Variants in CD38 observed in about 807,000 individuals in gnomAD.
CD38 encodes the protein CD38 molecule, also known as ADP-ribosyl cyclase/cyclic ADP-ribose hydrolase 1.
CD38 carries 31 observed loss-of-function variants against 36.3 expected under a neutral mutation model. The observed-to-expected ratio is 0.85, with a 90% CI of 0.64 to 1.15. The LOEUF (loss-of-function observed/expected upper bound fraction) is 1.15. Among genes scored for constraint, CD38 ranks in the 50% most tolerant of loss-of-function variants. The pLI, the probability that CD38 is intolerant of heterozygous loss-of-function variation, is 0.00. For missense variants in CD38, 380 were observed against 371.9 expected (o/e 1.02, Z -0.18); for synonymous variants, 131 against 135.2 (o/e 0.97, Z 0.22).
At chr4:15,830,180 A>T (rs1487973942) in intron 3 of CD38, among the ~76,000 whole-genome samples, 1 of 152,132 alleles carries the variant, frequency 6.6e-6, no homozygotes, top group Non-Finnish European at 1.5e-5. Context: ...TGTTCTCCAT[A>T]GTGGTTGTAC....
At chr4:15,797,899 T>C (rs1723134590) in intron 1 of CD38, among the ~76,000 whole-genome samples, 1 of 152,164 alleles carries the variant, frequency 6.6e-6, no homozygotes, top group Non-Finnish European at 1.5e-5. Context: ...CTGTAAAACC[T>C]TATTTCCAAA....
At chr4:15,817,804 A>G (rs1313334661) in intron 2 of CD38, among the ~76,000 whole-genome samples, 4 of 152,172 alleles carry the variant, frequency 2.6e-5, no homozygotes, top group Non-Finnish European at 5.9e-5. Flanking sequence ...GAACAGCTCC[A>G]GTCTGCAGCT....
rs186087961 is a variant in CD38 at position 15,841,162 on chromosome 4, C to G, written c.839+624C>G. Reference sequence around the variant, plus strand: ...TAATTCTAGTTTCAAAACTGAGACCCCTCACTCATTTTTAAGCAGTTGTGA... The same window carrying G: ...TAATTCTAGTTTCAAAACTGAGACCGCTCACTCATTTTTAAGCAGTTGTGA... On this transcript the variant is annotated intron_variant, in intron 7 of 7. Transcript: ENST00000226279. Among the ~76,000 whole-genome samples the G allele has an allele frequency of 2.8e-3, 433 of 152,008 alleles. 1 individual carries two copies. The highest frequency in any genetic ancestry group is 5.2e-3 in the Non-Finnish European group (351 of 67,990).
chr4:15,788,661 A>T (rs1046524081), intron 1 of CD38, among the ~76,000 whole-genome samples: 2 of 152,140 alleles, frequency 1.3e-5, no homozygotes, highest in African/African-American at 4.8e-5. Context: ...CAGAATCAGG[A>T]CCCCGAATAG....
chr4:15,801,495 G>C (rs1271065597), intron 1 of CD38, among the ~76,000 whole-genome samples: 2 of 151,874 alleles, frequency 1.3e-5, no homozygotes, highest in Non-Finnish European at 2.9e-5. Context: ...AACAAAAAAA[G>C]AATTTTGCAG....
chr4:15,824,970 C>T lies in CD38; in HGVS notation c.453C>T (p.Gly151=). The part of the protein sequence containing the change: ...DMFTLEDTLL[G]YLADDLTWCG... ...TCACCCTGGAGGACACGCTGCTAGGCTACCTTGCTGATGACCTCACATGGT... is the reference window on the plus strand; with the variant it reads ...TCACCCTGGAGGACACGCTGCTAGGTTACCTTGCTGATGACCTCACATGGT... The change falls in exon 3 of 8, where the codon GGC becomes GGT. Residue 151 remains glycine, a synonymous_variant. Coordinates refer to ENST00000226279, the MANE Select transcript of CD38 (RefSeq NM_001775.4). 1 of 1,613,882 alleles carries T rather than the reference C, an allele frequency of 6.2e-7. No homozygotes were observed. The highest frequency in any genetic ancestry group is 8.5e-7 in the Non-Finnish European group (1 of 1,179,920).
intron 3 of CD38, chr4:15,825,807 A>G (rs1723833662): frequency 2.0e-5 from 3 of 152,174 alleles, no homozygotes; most frequent in Non-Finnish European, 4.4e-5. Context: ...CAGAATCATC[A>G]CAGTAGCCAT....
At chr4:15,779,703 G>A (rs1291019358) in intron 1 of CD38, among the ~76,000 whole-genome samples, 1 of 152,028 alleles carries the variant, frequency 6.6e-6, no homozygotes, top group Non-Finnish European at 1.5e-5. Context: ...ATACTTAATG[G>A]AGAGAGAAAC....
chr4:15,825,012 T>C lies in CD38; in HGVS notation c.495T>C (p.Thr165=). 1.2e-6 allele frequency: 2 copies of C among 1,609,774 alleles called. No individual in the cohort carries two copies. The highest frequency in any genetic ancestry group is 1.7e-6 in the Non-Finnish European group (2 of 1,177,594). The change falls in exon 3 of 8, where the codon ACT becomes ACC. Residue 165 remains threonine (T), a synonymous_variant. Coordinates refer to ENST00000226279, the MANE Select transcript of CD38 (RefSeq NM_001775.4). ...TCACATGGTGTGGTGAATTCAACAC[T>C]TCCAGTGAGGCTCTGGGCCCTGTGG... is the stretch of plus-strand genomic sequence containing the variant. ...DDLTWCGEFN[T]SKINYQSCPD... is the part of the protein sequence containing the mutation.
At chr4:15,827,705 T>C (rs777747836) in intron 3 of CD38, among the ~76,000 whole-genome samples, 7 of 152,204 alleles carry the variant, frequency 4.6e-5, no homozygotes, top group Non-Finnish European at 8.8e-5. Context: ...TGAAATAAAG[T>C]AGAGAAAATG....
intron 1 of CD38, among the ~76,000 whole-genome samples, chr4:15,803,646 A>G (rs1295368850): frequency 2.0e-5 from 3 of 152,208 alleles, no homozygotes; most frequent in Non-Finnish European, 2.9e-5. Flanking sequence ...GAATGCAGAT[A>G]AAAGGAAACT....
At chr4:15,821,061 A>G (rs921507535) in intron 2 of CD38, among the ~76,000 whole-genome samples, 2 of 152,228 alleles carry the variant, frequency 1.3e-5, no homozygotes, top group African/African-American at 4.8e-5. Context: ...AATTACATGG[A>G]AATTGAACAA....
At chr4:15,829,705 T>C (rs558900973) in intron 3 of CD38, among the ~76,000 whole-genome samples, 1 of 152,284 alleles carries the variant, frequency 6.6e-6, no homozygotes, top group East Asian at 1.9e-4. Flanking sequence ...TTCTAACTAT[T>C]TTTTGGTAAC....
chr4:15,814,167 G>A (rs1048637768), intron 1 of CD38, among the ~76,000 whole-genome samples: 1 of 152,160 alleles, frequency 6.6e-6, no homozygotes, highest in Non-Finnish European at 1.5e-5. Flanking sequence ...GGTATCCATT[G>A]CGATTTTGAT....
chr4:15,785,539 C>CTTTCTTT (rs564219113), intron 1 of CD38, among the ~76,000 whole-genome samples: 7,143 of 147,828 alleles, frequency 0.048, 538 homozygotes, highest in African/African-American at 0.16. Flanking sequence ...CGTTCCTTTT[C>CTTTCTTT]TTTTTTTTTT....
At position 15,836,141 on chromosome 4, in the gene CD38, T is replaced by C. The variant is rs556504374; in HGVS notation, c.585+1839T>C. On this transcript the variant is annotated intron_variant, in intron 4 of 7. Coordinates refer to ENST00000226279, the MANE Select transcript of CD38 (RefSeq NM_001775.4). ...ATTTGTGCTGCTATCACAAACTACC[T>C]GAGACTTGGTAATTTTTTTAAAACA... Among the ~76,000 whole-genome samples the C allele has an allele frequency of 2.0e-5, 3 of 152,358 alleles. No individual in the cohort carries two copies. The East Asian group carries it at 5.8e-4, about 29-fold the overall frequency.
intron 4 of CD38, among the ~76,000 whole-genome samples, chr4:15,834,964 T>C (rs759809907): frequency 1.3e-5 from 2 of 152,176 alleles, no homozygotes; most frequent in East Asian, 1.9e-4. Flanking sequence ...TGGTGATACA[T>C]ATAAGGTATA....
intron 1 of CD38, among the ~76,000 whole-genome samples, chr4:15,792,260 C>A (rs1723015647): frequency 8.8e-6 from 1 of 114,006 alleles, no homozygotes; most frequent in Non-Finnish European, 1.7e-5. Context: ...ACTCCCTAAT[C>A]TCAAGTACCC....
chr4:15,816,330 GA>G (rs1723593212), intron 1 of CD38, among the ~76,000 whole-genome samples, 180 bp from the exon 2 acceptor site: 3 of 152,156 alleles, frequency 2.0e-5, no homozygotes, highest in African/African-American at 7.2e-5. Context: ...AATAGTGTCA[GA>G]AGGAATGGTA....
Sources: allele counts gnomAD v4.1 joint callset (sites outside exome capture counted in the v4.1 genomes callset), GRCh38; gene constraint gnomAD v4.1.1; transcripts MANE v1.5; gene names NCBI Gene and HGNC (gene_info 2026-07-23, HGNC 2026-07-21).